Variants in STARD4 observed in about 807,000 individuals in gnomAD.
The protein encoded by STARD4 is stAR-related lipid transfer protein 4.
A neutral mutation model predicts 24.9 loss-of-function variants in STARD4; 33 were observed. That is an observed-to-expected ratio of 1.32 (90% CI 1.00 to 1.77). The LOEUF (loss-of-function observed/expected upper bound fraction) is 1.77, where lower values mean the gene tolerates loss of function less well. STARD4 is among the 40% of genes most tolerant of loss of function. STARD4 has a pLI of 0.00. For missense variants in STARD4, 238 were observed against 249.3 expected (o/e 0.95, Z 0.31); for synonymous variants, 88 against 77.4 (o/e 1.14, Z -0.72).
intron 3 of STARD4, among the ~76,000 whole-genome samples, 196 bp from the exon 4 acceptor site, chr5:111,502,284 C>T (rs1423384505): frequency 6.6e-6 from 1 of 151,918 alleles, no homozygotes; most frequent in Non-Finnish European, 1.5e-5. Flanking sequence ...GCCTGGCCAA[C>T]GTGGCAAAAA....
Position 111,496,672 on chromosome 5 carries a change from G to C in STARD4, c.*3214C>G, listed in dbSNP as rs1756113838. 6.6e-6 allele frequency: 1 copy of C among 151,958 alleles called. No homozygotes were observed. The highest frequency in any genetic ancestry group is 1.5e-5 in the Non-Finnish European group (1 of 67,968). The allele number at this position is 151,958 out of a possible 1,614,324, so 9.4% of individuals were successfully genotyped here. A position where few individuals can be genotyped will look rare whatever the true frequency, so the allele number is the denominator to read the frequency against. ...CTCCAGATACAACCTCAATTACATA[G>C]TTTTTTAGCTTGAGATATTAATTGA... On this transcript the variant is annotated 3_prime_UTR_variant, in exon 6 of 6. Transcript: ENST00000296632.
Position 111,499,844 on chromosome 5 carries a change from G to A in STARD4, c.*42C>T, listed in dbSNP as rs1363147594. The A allele has an allele frequency of 1.3e-6, 2 of 1,539,040 alleles. No homozygotes were observed. The highest frequency in any genetic ancestry group is 2.3e-5 in the East Asian group (1 of 44,442). On this transcript the variant is annotated 3_prime_UTR_variant, in exon 6 of 6. Transcript: ENST00000296632. Reference sequence around the variant, plus strand: ...ATTTTTACAGGCCATGTAGCTGAGAGAGTTGATCTGTAGTACTACAAGTTT... The same window carrying A: ...ATTTTTACAGGCCATGTAGCTGAGAAAGTTGATCTGTAGTACTACAAGTTT...
rs1367535390 is a variant in STARD4 at position 111,496,844 on chromosome 5, T to C, written c.*3042A>G. On this transcript the variant is annotated 3_prime_UTR_variant, in exon 6 of 6. Transcript: ENST00000296632. ...AAATATATCCAACCTGAATGAACAC[T>C]GAAATAAAAAGATTTTTAAGATTTA... 6.6e-6 allele frequency: 1 copy of C among 152,034 alleles called. No homozygotes were observed. The highest frequency in any genetic ancestry group is 2.4e-5 in the African/African-American group (1 of 41,426). 9.4% of individuals were successfully genotyped at this position (152,034 alleles called of 1,614,324 possible).
chr5:111,504,320 CAT>C (rs756740715), intron 3 of STARD4, among the ~76,000 whole-genome samples: 1 of 151,996 alleles, frequency 6.6e-6, no homozygotes, highest in Non-Finnish European at 1.5e-5. Flanking sequence ...GGTATATTCA[CAT>C]AGAGGGAAAA....
At position 111,499,972 on chromosome 5, in the gene STARD4, G is replaced by A. The variant is rs778275114; in HGVS notation, c.532C>T (p.Arg178Cys). Residue 178 changes from arginine (R) to cysteine (C), a missense_variant, in exon 6 of 6, where the codon CGT becomes TGT. Coordinates refer to ENST00000296632, the MANE Select transcript of STARD4 (RefSeq NM_139164.3). Reference protein sequence around the residue: ...LLTGYIQTDLRGMIPQSAVDT... With the variant: ...LLTGYIQTDLCGMIPQSAVDT... The stretch of plus-strand genomic sequence containing the variant: ...ACCGCAGACTGAGGAATCATCCCAC[G>A]CAGATCTGTCTGAATATATCCTGTC... 78 of 1,614,020 alleles carry A rather than the reference G, an allele frequency of 4.8e-5. No homozygotes were observed. The South Asian group carries it at 7.1e-4, about 15-fold the overall frequency.
chr5:111,508,018 T>C (rs746985107), intron 1 of STARD4, among the ~76,000 whole-genome samples: 5 of 152,142 alleles, frequency 3.3e-5, no homozygotes, highest in African/African-American at 4.8e-5. Context: ...GTCTACAGTA[T>C]TCTACACTGG....
chr5:111,504,409 A>G (rs1315048842), intron 3 of STARD4, among the ~76,000 whole-genome samples: 1 of 152,232 alleles, frequency 6.6e-6, no homozygotes, highest in Non-Finnish European at 1.5e-5. Flanking sequence ...TTACTAAATA[A>G]AATATGTACA....
chr5:111,500,273 G>T, intron 5 of STARD4, 167 bp from the exon 6 acceptor site: 1 of 1,343,710 alleles, frequency 7.4e-7, no homozygotes, highest in Non-Finnish European at 9.5e-7. Context: ...TTACCAAGGA[G>T]AATTCTGACA....
In STARD4 at chr5:111,497,493, T is replaced by C. The variant is rs1580838230; in HGVS notation, c.*2393A>G. 6.6e-6 allele frequency: 1 copy of C among 152,130 alleles called. No homozygotes were observed. Among genetic ancestry groups the C allele is most frequent in the East Asian group, 1.9e-4 (1 of 5,186 alleles). The allele number at this position is 152,130 out of a possible 1,614,324, so 9.4% of individuals were successfully genotyped here. A position where few individuals can be genotyped will look rare whatever the true frequency, so the allele number is the denominator to read the frequency against. The stretch of plus-strand genomic sequence containing the variant: ...ATGTGGCTTGCCCAAATTTGTAAAA[T>C]GCATACCAGATTTCAAAAAATTAGT... On this transcript the variant is annotated 3_prime_UTR_variant, in exon 6 of 6. Coordinates refer to ENST00000296632, the MANE Select transcript of STARD4 (RefSeq NM_139164.3).
chr5:111,503,643 A>C (rs543336184), intron 3 of STARD4, among the ~76,000 whole-genome samples: 1 of 152,306 alleles, frequency 6.6e-6, no homozygotes, highest in South Asian at 2.1e-4. Flanking sequence ...AACAAACAAA[A>C]AAACACATAA....
chr5:111,504,836 C>T (rs1172897154), intron 3 of STARD4, among the ~76,000 whole-genome samples: 1 of 152,172 alleles, frequency 6.6e-6, no homozygotes, highest in Non-Finnish European at 1.5e-5. Flanking sequence ...ATGGTTTTAT[C>T]AGGACGATTT....
chr5:111,503,292 C>T (rs1756600004), intron 3 of STARD4, among the ~76,000 whole-genome samples: 1 of 152,148 alleles, frequency 6.6e-6, no homozygotes, highest in Non-Finnish European at 1.5e-5. Flanking sequence ...CCTATTTCTA[C>T]CACTCATAAT....
At chr5:111,504,978 C>T (rs762782759) in intron 3 of STARD4, 2 of 453,926 alleles carry the variant, frequency 4.4e-6, no homozygotes, top group South Asian at 3.1e-5. Context: ...GCCTCAGTTA[C>T]AGCACTTTGT....
rs568970184 is a variant in STARD4 at position 111,504,516 on chromosome 5, A to AAC, written c.155+1812_155+1813dup. Among the ~76,000 whole-genome samples, 127 of 152,278 alleles carry AAC rather than the reference A, an allele frequency of 8.3e-4. 3 individuals are homozygous for AAC. The South Asian group carries it at 0.025, about 30-fold the overall frequency. ...TATGGTCAAAGTATGAAACAGGAAC[A>AAC]ACACACATAACTTCAGGACAGCAGT... On this transcript the variant is annotated intron_variant, in intron 3 of 5. Transcript: ENST00000296632.
At chr5:111,505,257 CTAATT>C (rs1202250959) in intron 3 of STARD4, among the ~76,000 whole-genome samples, 1 of 152,216 alleles carries the variant, frequency 6.6e-6, no homozygotes. Flanking sequence ...CTGGGAATTA[CTAATT>C]TAAAGAATTA....
At position 111,501,088 on chromosome 5, in the gene STARD4, G is replaced by T. The variant is rs749574024; in HGVS notation, c.311C>A (p.Ala104Asp). ...GGAAATTATATTCCAAAGCTGACCA[G>T]CAGTAGTGTAACGCATCACACAGCA... The part of the protein sequence containing the change: ...ENCCVMRYTT[A>D]GQLWNIISPR... The change falls in exon 5 of 6, where the codon GCT becomes GAT. Residue 104 changes from alanine (A) to aspartate (D), a missense_variant. Ala to Asp is a moderately radical substitution (Grantham distance 126). Transcript: ENST00000296632. The T allele has an allele frequency of 6.2e-7, 1 of 1,609,560 alleles. No individual in the cohort carries two copies. The highest frequency in any genetic ancestry group is 8.5e-7 in the Non-Finnish European group (1 of 1,178,886).
intron 1 of STARD4, among the ~76,000 whole-genome samples, chr5:111,511,773 G>C (rs1272285237): frequency 6.6e-6 from 1 of 152,170 alleles, no homozygotes; most frequent in Non-Finnish European, 1.5e-5. Context: ...GTCAAGTTTT[G>C]TCCTGGCTGC....
intron 5 of STARD4, chr5:111,500,663 C>T: frequency 7.8e-7 from 1 of 1,283,924 alleles, no homozygotes; most frequent in Non-Finnish European, 9.8e-7. Flanking sequence ...CACACCAAAT[C>T]TAGTACTTCT....
intron 3 of STARD4, among the ~76,000 whole-genome samples, chr5:111,502,901 C>G (rs1756571115): frequency 6.6e-6 from 1 of 151,786 alleles, no homozygotes; most frequent in South Asian, 2.1e-4. Context: ...CAGCATGTAC[C>G]CTTCGTCCTC....
Sources: gnomAD v4.1 joint callset for allele counts (sites outside exome capture counted in the v4.1 genomes callset) on GRCh38, gnomAD v4.1.1 for gene constraint, MANE v1.5 for transcripts, NCBI Gene and HGNC (gene_info 2026-07-23, HGNC 2026-07-21) for gene names.